Variants in UST observed in about 807,000 individuals in gnomAD.
The protein encoded by UST is chondroitin sulfate 2-O-sulfotransferase.
In UST, 21 loss-of-function variants were observed where a neutral mutation model predicts 45.6. That is an observed-to-expected ratio of 0.46 (90% CI 0.33 to 0.66). The LOEUF (loss-of-function observed/expected upper bound fraction) is 0.66, where lower values mean the gene tolerates loss of function less well. Ranked by LOEUF, UST falls within the 30% of genes least tolerant of loss-of-function variation. The probability of loss-of-function intolerance (pLI) is 0.02; values close to 1 mark genes in which losing one functional copy is unlikely to be tolerated. For synonymous variants in UST, 215 were observed against 200.6 expected (o/e 1.07, Z -0.61); for missense variants, 463 against 512.4 (o/e 0.90, Z 0.93).
At chr6:149,026,630 A>G (rs750703887) in intron 7 of UST, among the ~76,000 whole-genome samples, 38 of 152,348 alleles carry the variant, frequency 2.5e-4, no homozygotes, top group Middle Eastern at 3.4e-3. Context: ...GCATCCCTCT[A>G]TAAACCCTTG....
intron 1 of UST, among the ~76,000 whole-genome samples, chr6:148,872,289 T>G (rs1778573387): frequency 6.6e-6 from 1 of 152,030 alleles, no homozygotes; most frequent in African/African-American, 2.4e-5. Flanking sequence ...AGTAAACTGG[T>G]GAGATGATGG....
intron 5 of UST, among the ~76,000 whole-genome samples, chr6:148,986,665 C>T (rs1781242832): frequency 6.6e-6 from 1 of 152,244 alleles, no homozygotes; most frequent in African/African-American, 2.4e-5. Context: ...GACTCTCCAA[C>T]CTCTATGCTA....
chr6:148,966,861 C>T (rs1780812605), intron 5 of UST, among the ~76,000 whole-genome samples: 1 of 152,166 alleles, frequency 6.6e-6, no homozygotes, highest in South Asian at 2.1e-4. Context: ...TTCAGCCTCC[C>T]CAGCAGCTAG....
chr6:148,930,313 A>G (rs1779897350), intron 2 of UST, among the ~76,000 whole-genome samples: 2 of 152,182 alleles, frequency 1.3e-5, no homozygotes, highest in African/African-American at 4.8e-5. Flanking sequence ...TTATTTATTG[A>G]GTGCCTACTA....
intron 1 of UST, among the ~76,000 whole-genome samples, chr6:148,878,704 C>T (rs1237831262): frequency 7.6e-5 from 9 of 118,990 alleles, no homozygotes; most frequent in East Asian, 2.5e-4. Flanking sequence ...TGTGTGAGTG[C>T]GGAGGTCGTG....
chr6:148,985,671 C>T (rs2114985980), intron 5 of UST, among the ~76,000 whole-genome samples: 1 of 152,218 alleles, frequency 6.6e-6, no homozygotes, highest in African/African-American at 2.4e-5. Flanking sequence ...GTGGGGAAGT[C>T]TGGTCTGCAT....
Position 148,823,484 on chromosome 6 carries a change from A to C in UST, c.248-63502A>C, listed in dbSNP as rs564051547. Among the ~76,000 whole-genome samples the C allele has an allele frequency of 3.2e-3, 490 of 152,318 alleles. 3 individuals carry two copies. Among genetic ancestry groups the C allele is most frequent in the African/African-American group, 0.011 (448 of 41,572 alleles). On this transcript the variant is annotated intron_variant, in intron 1 of 7. Coordinates refer to ENST00000367463, the MANE Select transcript of UST (RefSeq NM_005715.3). ...GTTTTAAGCCACAGAGGAACTGTAC[A>C]TTTTTGTGATAAGCATAATTTAGAG...
At chr6:148,951,362 C>T (rs947861638) in intron 3 of UST, among the ~76,000 whole-genome samples, 2 of 152,060 alleles carry the variant, frequency 1.3e-5, no homozygotes, top group Admixed American at 1.3e-4. Context: ...TTTGAGGGCA[C>T]CATTAGGACA....
intron 2 of UST, among the ~76,000 whole-genome samples, chr6:148,891,870 G>A (rs115092595): frequency 0.013 from 1,986 of 152,140 alleles, 31 homozygotes; most frequent in African/African-American, 0.044. Context: ...TACTTTATCC[G>A]TTTTCTTCCA....
chr6:148,957,875 A>G (rs1780552137), intron 4 of UST, among the ~76,000 whole-genome samples: 1 of 152,244 alleles, frequency 6.6e-6, no homozygotes, highest in South Asian at 2.1e-4. Flanking sequence ...TGAGGTTCCC[A>G]TGAGAAGAAC....
intron 7 of UST, chr6:149,032,413 G>A (rs1317958905): frequency 6.5e-6 from 1 of 153,256 alleles, no homozygotes; most frequent in African/African-American, 2.4e-5. Flanking sequence ...GGCCCCATGT[G>A]CCTCGCACCG....
intron 3 of UST, among the ~76,000 whole-genome samples, chr6:148,944,326 A>G (rs1209754141): frequency 6.6e-6 from 1 of 152,192 alleles, no homozygotes; most frequent in Non-Finnish European, 1.5e-5. Context: ...CACCGTGTAG[A>G]GAATTTCTTT....
chr6:148,910,654 T>C (rs570768281), intron 2 of UST, among the ~76,000 whole-genome samples: 174 of 152,318 alleles, frequency 1.1e-3, no homozygotes, highest in Admixed American at 1.5e-3. Flanking sequence ...AGTTCAACTT[T>C]CTACTAAATT....
At chr6:148,872,678 A>T (rs1778581545) in intron 1 of UST, among the ~76,000 whole-genome samples, 1 of 152,242 alleles carries the variant, frequency 6.6e-6, no homozygotes, top group Non-Finnish European at 1.5e-5. Flanking sequence ...ATGGGCTCAA[A>T]TTAAGATGTC....
chr6:148,903,963 G>A (rs529133883), intron 2 of UST, among the ~76,000 whole-genome samples: 2 of 152,334 alleles, frequency 1.3e-5, no homozygotes, highest in African/African-American at 4.8e-5. Flanking sequence ...AAGACCAAGA[G>A]AGGCATAACT....
chr6:148,948,043 C>T (rs533118929), intron 3 of UST, among the ~76,000 whole-genome samples: 30 of 152,284 alleles, frequency 2.0e-4, no homozygotes, highest in African/African-American at 7.2e-4. Context: ...GGCTCTTTGC[C>T]TTGATCATGT....
chr6:148,747,492 T>C lies in UST; in HGVS notation c.62T>C (p.Met21Thr). ...GADPWPHGAP[M>T]GGAPPGLGSW... ...GATCCCTGGCCCCATGGGGCCCCTA[T>C]GGGGGGCGCCCCTCCGGGCCTGGGC... The change falls in exon 1 of 8, where the codon ATG becomes ACG. Residue 21 changes from methionine to threonine, a missense_variant. Transcript: ENST00000367463. The C allele has an allele frequency of 6.6e-7, 1 of 1,517,910 alleles. No homozygotes were observed. Among genetic ancestry groups the C allele is most frequent in the Non-Finnish European group, 8.8e-7 (1 of 1,132,514 alleles). The allele number at this position is 1,517,910 out of a possible 1,614,324, so 94.0% of individuals were successfully genotyped here.
intron 5 of UST, among the ~76,000 whole-genome samples, chr6:149,010,907 A>ACAAACAAAAC (rs1191337557): frequency 7.1e-6 from 1 of 140,498 alleles, no homozygotes; most frequent in African/African-American, 2.6e-5. Context: ...AAAAAAAAAA[A>ACAAACAAAAC]AAAAAAAAAA....
intron 1 of UST, among the ~76,000 whole-genome samples, chr6:148,799,570 T>C (rs1162196898): frequency 5.9e-5 from 9 of 152,146 alleles, no homozygotes; most frequent in Admixed American, 5.9e-4. Flanking sequence ...CTTAAACCAT[T>C]TAAGAAAAAG....
Sources: allele counts gnomAD v4.1 joint callset (sites outside exome capture counted in the v4.1 genomes callset), GRCh38; gene constraint gnomAD v4.1.1; transcripts MANE v1.5; gene names NCBI Gene and HGNC (gene_info 2026-07-23, HGNC 2026-07-21).